The following SVBP variants were observed in gnomAD, a reference collection of about 807,000 sequenced individuals.
SVBP encodes the protein small vasohibin binding protein.
Under a neutral mutation model 9.2 loss-of-function variants are expected in SVBP, and 9 were observed. The ratio of observed to expected loss-of-function variants is 0.98; its 90% CI spans 0.59 to 1.71. The LOEUF is 1.71. Among genes scored for constraint, SVBP ranks in the 40% most tolerant of loss-of-function variants. The probability of loss-of-function intolerance (pLI) is 0.00; values close to 1 mark genes in which losing one functional copy is unlikely to be tolerated. For synonymous variants in SVBP, 27 were observed against 23.9 expected (o/e 1.13, Z -0.37); for missense variants, 63 against 73.2 (o/e 0.86, Z 0.51).
intron 2 of SVBP, among the ~76,000 whole-genome samples, chr1:42,812,047 A>T (rs1477983882): frequency 6.9e-6 from 1 of 145,878 alleles, no homozygotes; most frequent in African/African-American, 2.5e-5. Context: ...CTTGGATTTA[A>T]AAAAAAAAAA....
In SVBP at chr1:42,810,199, A is replaced by G. The variant is rs555384352; in HGVS notation, c.115-2699T>C. On this transcript the variant is annotated intron_variant, in intron 2 of 2. Transcript: ENST00000372521. ...GAGTCTTGCTCTGTCACCAGGCTGG[A>G]GTGCAGTGACCCGATCTCAGCTCAC... Among the ~76,000 whole-genome samples the G allele has an allele frequency of 3.3e-5, 5 of 152,100 alleles. No individual in the cohort carries two copies. In the South Asian group the frequency reaches 1.0e-3, roughly 32 times the overall value.
At chr1:42,810,105 CACACACACACATACATACAT>C (rs1324990930) in intron 2 of SVBP, among the ~76,000 whole-genome samples, 1 of 141,730 alleles carries the variant, frequency 7.1e-6, no homozygotes, top group Admixed American at 6.9e-5. Context: ...AACACACACA[CACACACACACATACATACAT>C]ACACACACAC....
intron 2 of SVBP, among the ~76,000 whole-genome samples, chr1:42,814,692 G>A (rs958143056): frequency 3.3e-5 from 5 of 152,096 alleles, no homozygotes; most frequent in Admixed American, 2.6e-4. Flanking sequence ...CAGTTAGAAT[G>A]GCGATCATTA....
chr1:42,810,125 TACACACACACACACACAC>T (rs60221264), intron 2 of SVBP, among the ~76,000 whole-genome samples: 1 of 140,928 alleles, frequency 7.1e-6, no homozygotes, highest in Non-Finnish European at 1.5e-5. Flanking sequence ...CATACATACA[TACACACACACACACACAC>T]ACACACACAC....
chr1:42,816,588 G>A lies in SVBP; in HGVS notation c.-36-8C>T, dbSNP rs756143342. The A allele has an allele frequency of 2.9e-6, 4 of 1,361,654 alleles. No homozygotes were observed. Among genetic ancestry groups the A allele is most frequent in the East Asian group, 4.6e-5 (2 of 43,486 alleles). The allele number at this position is 1,361,654 out of a possible 1,614,324, so 84.3% of individuals were successfully genotyped here. On this transcript the variant is annotated splice_polypyrimidine_tract_variant and splice_region_variant and intron_variant, in intron 1 of 2. Transcript: ENST00000372521. ...TTCTTAGGAGGCTCTGATCTGGGTG[G>A]TACAGAAAGAGGCAGATCTTCAAAA...
rs1050417028 is a variant in SVBP, at chr1:42,816,437, T to C, written c.108A>G (p.Arg36=). 6.2e-7 allele frequency: 1 copy of C among 1,610,456 alleles called. No individual in the cohort carries two copies. Among genetic ancestry groups the C allele is most frequent in the Non-Finnish European group, 8.5e-7 (1 of 1,176,734 alleles). ...GCCTCCGCCTTAATCTCACCTCTGCTCTTTGTCTCTGCTTCAGCTCCTGCT... is the reference window on the plus strand; with the variant it reads ...GCCTCCGCCTTAATCTCACCTCTGCCCTTTGTCTCTGCTTCAGCTCCTGCT... The part of the protein sequence containing the change: ...SAQQELKQRQ[R]AEIYALNRVM... Residue 36 remains arginine (R), a synonymous_variant, in exon 2 of 3, where the codon AGA becomes AGG. Transcript: ENST00000372521.
rs1452313556 is a variant in SVBP, at chr1:42,810,147, CACACACATAT to C, written c.115-2657_115-2648del. Among the ~76,000 whole-genome samples the C allele has an allele frequency of 3.5e-3, 528 of 149,366 alleles. 1 individual carries two copies. Among genetic ancestry groups the C allele is most frequent in the African/African-American group, 0.013 (501 of 39,020 alleles). The stretch of plus-strand genomic sequence containing the variant: ...ACATACACACACACACACACACACA[CACACACATAT>C]ATTTTTTTTGTGAGCAGAGTCTTGC... On this transcript the variant is annotated intron_variant, in intron 2 of 2. Coordinates refer to ENST00000372521, the MANE Select transcript of SVBP (RefSeq NM_199342.4).
chr1:42,816,253 T>C, intron 2 of SVBP, 178 bp downstream of exon 2: 1 of 525,360 alleles, frequency 1.9e-6, no homozygotes, highest in South Asian at 2.8e-5. Flanking sequence ...TGGCATGTGA[T>C]TCTGGGCTGC....
intron 1 of SVBP, 112 bp downstream of exon 1, chr1:42,817,070 CCGACCCCG>C: frequency 2.6e-6 from 1 of 381,656 alleles, no homozygotes; most frequent in Non-Finnish European, 3.6e-6. Context: ...GCCCGGCCCC[CCGACCCCG>C]CCCCGGCCCG....
At chr1:42,811,963 T>C (rs1278204795) in intron 2 of SVBP, among the ~76,000 whole-genome samples, 7 of 150,616 alleles carry the variant, frequency 4.6e-5, no homozygotes, top group African/African-American at 7.3e-5. Context: ...TATGTGTACA[T>C]AGACAATTAA....
chr1:42,807,761 T>C (rs755103209), intron 2 of SVBP, among the ~76,000 whole-genome samples: 6 of 152,148 alleles, frequency 3.9e-5, no homozygotes, highest in Non-Finnish European at 8.8e-5. Flanking sequence ...TCAGCAAGCA[T>C]GTGGCCAATT....
At chr1:42,817,009 T>C in intron 1 of SVBP, 181 bp downstream of exon 1, 1 of 310,362 alleles carries the variant, frequency 3.2e-6, no homozygotes, top group Non-Finnish European at 4.7e-6. Flanking sequence ...CAGCAGCCGC[T>C]CCTGGGGCCA....
At chr1:42,812,125 C>T (rs1231170478) in intron 2 of SVBP, among the ~76,000 whole-genome samples, 1 of 151,774 alleles carries the variant, frequency 6.6e-6, no homozygotes, top group Non-Finnish European at 1.5e-5. Context: ...ATAAATCCAG[C>T]ACATTACAGT....
intron 2 of SVBP, among the ~76,000 whole-genome samples, chr1:42,812,850 A>G (rs116303396): frequency 0.01 from 1,567 of 152,326 alleles, 15 homozygotes; most frequent in African/African-American, 0.036. Context: ...ATTTGCCTCT[A>G]CAAATAGAGC....
chr1:42,816,410 G>A (rs1430369608), intron 2 of SVBP, 21 bp downstream of exon 2: 1 of 1,530,890 alleles, frequency 6.5e-7, no homozygotes, highest in African/African-American at 1.4e-5. Flanking sequence ...CAGGCATACA[G>A]AGCCTCCGCC....
intron 1 of SVBP, 84 bp downstream of exon 1, chr1:42,817,106 G>A: frequency 9.5e-7 from 1 of 1,049,758 alleles, no homozygotes; most frequent in Non-Finnish European, 1.2e-6. Context: ...CCAGGGGACG[G>A]CCCCCGCCTC....
In SVBP at chr1:42,816,499, CAG is replaced by C; in HGVS notation, c.44_45del (p.Ser15CysfsTer5). On this transcript the variant is annotated frameshift_variant, in exon 2 of 3. Coordinates refer to ENST00000372521, the MANE Select transcript of SVBP (RefSeq NM_199342.4). LOFTEE classifies it high-confidence loss of function. Reference sequence around the variant, plus strand: ...TGTTTGGCCTTCTCAACTCTGCTGACAGATTCTTTAACTTTGGTTTTTTCTTT... The same window carrying C: ...TGTTTGGCCTTCTCAACTCTGCTGACATTCTTTAACTTTGGTTTTTTCTTT... ...ARKEKTKVKE[S>X]VSRVEKAKQK... 1 of 1,614,184 alleles carries C rather than the reference CAG, an allele frequency of 6.2e-7. No homozygotes were observed. Among genetic ancestry groups the C allele is most frequent in the Non-Finnish European group, 8.5e-7 (1 of 1,180,028 alleles).
intron 2 of SVBP, among the ~76,000 whole-genome samples, chr1:42,808,389 CTA>C (rs925775552): frequency 2.2e-4 from 30 of 139,238 alleles, no homozygotes; most frequent in Admixed American, 7.3e-4. Flanking sequence ...TATATATAGG[CTA>C]TATATAGTAT....
intron 2 of SVBP, among the ~76,000 whole-genome samples, chr1:42,814,459 G>A (rs1654152934): frequency 6.6e-6 from 1 of 151,806 alleles, no homozygotes; most frequent in Admixed American, 6.6e-5. Flanking sequence ...TATAATCCCA[G>A]CACTTTGGGA....
Sources: gnomAD v4.1 joint callset for allele counts (sites outside exome capture counted in the v4.1 genomes callset) on GRCh38, gnomAD v4.1.1 for gene constraint, MANE v1.5 for transcripts, NCBI Gene and HGNC (gene_info 2026-07-23, HGNC 2026-07-21) for gene names.